Variants in ATG7 observed in about 807,000 individuals in gnomAD.
ATG7 encodes autophagy related 7.
ATG7 carries 70 observed loss-of-function variants against 82.4 expected under a neutral mutation model. The ratio of observed to expected loss-of-function variants is 0.85; its 90% confidence interval spans 0.70 to 1.04. The LOEUF (loss-of-function observed/expected upper bound fraction) is 1.04. ATG7 is among the 50% of genes least tolerant of loss of function. The pLI is 0.00. For missense variants in ATG7, 792 were observed against 864.3 expected (o/e 0.92, Z 1.05); for synonymous variants, 287 against 313.0 (o/e 0.92, Z 0.88).
chr3:11,572,965 T>C, the ATG7 span, among the ~76,000 whole-genome samples: 1 of 151,910 alleles, frequency 6.6e-6, no homozygotes, highest in African/African-American at 2.4e-5. Flanking sequence ...GTCAGGAGTT[T>C]GAGACCGGCC....
intron 20 of ATG7, among the ~76,000 whole-genome samples, chr3:11,528,862 T>C (rs1441353884): frequency 6.7e-6 from 1 of 150,030 alleles, no homozygotes; most frequent in Non-Finnish European, 1.5e-5. Context: ...AACAGCATTA[T>C]GAGAATAAAA....
intron 3 of ATG7, among the ~76,000 whole-genome samples, chr3:11,295,759 ATTTCTTTCTTTCTTTTC>A (rs761889916): frequency 1.3e-4 from 19 of 144,070 alleles, no homozygotes; most frequent in Admixed American, 3.4e-4. Flanking sequence ...TACTGGTTCT[ATTTCTTTCTTTCTTTTC>A]TTTCTTTCTT....
At chr3:11,336,783 C>G (rs564121519) in intron 11 of ATG7, among the ~76,000 whole-genome samples, 1 of 152,270 alleles carries the variant, frequency 6.6e-6, no homozygotes, top group East Asian at 1.9e-4. Context: ...AACCATCCCC[C>G]CAGCTTAGCT....
At chr3:11,573,283 GAA>G in the ATG7 span, among the ~76,000 whole-genome samples, 8 of 13,500 alleles carry the variant, frequency 5.9e-4, no homozygotes, top group Non-Finnish European at 6.8e-4. Flanking sequence ...AAGAAAGAAA[GAA>G]AGAAAGAAAG....
chr3:11,276,487 C>G (rs1285206308), intron 1 of ATG7, among the ~76,000 whole-genome samples: 5 of 152,178 alleles, frequency 3.3e-5, no homozygotes, highest in Non-Finnish European at 7.3e-5. Flanking sequence ...TGTCACACCT[C>G]TTTTACCCAG....
the ATG7 span, among the ~76,000 whole-genome samples, chr3:11,571,967 C>T: frequency 1.3e-5 from 2 of 152,090 alleles, no homozygotes; most frequent in Non-Finnish European, 2.9e-5. Context: ...ATTATCTGGG[C>T]GTGGTGTCAC....
At chr3:11,527,080 T>TAC (rs1166228894) in intron 20 of ATG7, among the ~76,000 whole-genome samples, 1 of 143,440 alleles carries the variant, frequency 7.0e-6, no homozygotes, top group African/African-American at 2.6e-5. Context: ...TGTATATATA[T>TAC]ATATATATAT....
At chr3:11,453,631 G>A (rs1020541071) in intron 20 of ATG7, among the ~76,000 whole-genome samples, 1 of 152,164 alleles carries the variant, frequency 6.6e-6, no homozygotes, top group African/African-American at 2.4e-5. Context: ...GCTCTCTTAT[G>A]AGTCATCCTT....
chr3:11,566,772 C>T, the ATG7 span, among the ~76,000 whole-genome samples: 17 of 152,272 alleles, frequency 1.1e-4, no homozygotes, highest in African/African-American at 3.6e-4. Context: ...CATCCCCCAC[C>T]GTCAATGATC....
chr3:11,531,626 C>G (rs574864668), intron 20 of ATG7, among the ~76,000 whole-genome samples: 6 of 152,156 alleles, frequency 3.9e-5, no homozygotes, highest in Non-Finnish European at 8.8e-5. Flanking sequence ...TAATCCAGCA[C>G]TTTGGGATGC....
At chr3:11,534,570 G>A (rs1416880458) in intron 20 of ATG7, among the ~76,000 whole-genome samples, 1 of 152,254 alleles carries the variant, frequency 6.6e-6, no homozygotes, top group Non-Finnish European at 1.5e-5. Context: ...GGGTGGCTAC[G>A]TGCCGCCAGG....
At chr3:11,431,989 T>C (rs1303534817) in intron 20 of ATG7, among the ~76,000 whole-genome samples, 2 of 152,234 alleles carry the variant, frequency 1.3e-5, no homozygotes, top group East Asian at 1.9e-4. Flanking sequence ...TGGAAATGAT[T>C]GCAATGATTT....
chr3:11,567,781 C>T, the ATG7 span, among the ~76,000 whole-genome samples: 1 of 152,220 alleles, frequency 6.6e-6, no homozygotes, highest in Non-Finnish European at 1.5e-5. Context: ...TCAGTGTCAC[C>T]ACACATCCTC....
chr3:11,369,889 C>T lies in ATG7; in HGVS notation c.1875+5155C>T, dbSNP rs954879298. On this transcript the variant is annotated intron_variant, in intron 18 of 20. Transcript: ENST00000693202. ...GCAGCCTGAAGGTTTTGTGATCATACAGATCTGATTAGAACCCCAGCTTTG... is the reference window on the plus strand; with the variant it reads ...GCAGCCTGAAGGTTTTGTGATCATATAGATCTGATTAGAACCCCAGCTTTG... Among the ~76,000 whole-genome samples, 3 of 151,114 alleles carry T rather than the reference C, an allele frequency of 2.0e-5. 1 individual carries two copies. Among genetic ancestry groups the T allele is most frequent in the Non-Finnish European group, 4.4e-5 (3 of 67,790 alleles).
intron 18 of ATG7, among the ~76,000 whole-genome samples, chr3:11,367,480 C>T (rs1386225601): frequency 2.6e-5 from 4 of 152,186 alleles, no homozygotes; most frequent in Non-Finnish European, 5.9e-5. Context: ...CAAGGCCCCC[C>T]ACCAGCAACT....
chr3:11,512,901 C>T (rs1033982786), intron 20 of ATG7, among the ~76,000 whole-genome samples: 8 of 152,104 alleles, frequency 5.3e-5, no homozygotes, highest in African/African-American at 1.2e-4. Context: ...CTGATTGGTG[C>T]GTTTACAATC....
At chr3:11,445,660 A>G (rs1306818197) in intron 20 of ATG7, among the ~76,000 whole-genome samples, 2 of 152,350 alleles carry the variant, frequency 1.3e-5, no homozygotes, top group African/African-American at 2.4e-5. Flanking sequence ...AAGCCTGCAC[A>G]TATACCCCTG....
At chr3:11,275,696 C>T (rs1025725044) in intron 1 of ATG7, among the ~76,000 whole-genome samples, 4 of 151,960 alleles carry the variant, frequency 2.6e-5, no homozygotes, top group Non-Finnish European at 5.9e-5. Context: ...TTCTCCAGTG[C>T]GATTAAGGCC....
intron 20 of ATG7, among the ~76,000 whole-genome samples, chr3:11,459,834 G>C (rs1449762821): frequency 6.6e-6 from 1 of 152,194 alleles, no homozygotes; most frequent in Admixed American, 6.5e-5. Context: ...GTAGACTTTA[G>C]CCAGGCCACG....
Sources: allele counts gnomAD v4.1 joint callset (sites outside exome capture counted in the v4.1 genomes callset), GRCh38; gene constraint gnomAD v4.1.1; transcripts MANE v1.5; gene names NCBI Gene and HGNC (gene_info 2026-07-23, HGNC 2026-07-21).